Variants in PCDHGA3 observed in about 807,000 individuals in gnomAD.
The protein encoded by PCDHGA3 is protocadherin gamma-A3.
In PCDHGA3, 40 loss-of-function variants were observed where a neutral mutation model predicts 58.5. The ratio of observed to expected loss-of-function variants is 0.68; its 90% CI spans 0.53 to 0.89. The LOEUF (loss-of-function observed/expected upper bound fraction) is 0.89, where lower values mean the gene tolerates loss of function less well. Among genes scored for constraint, PCDHGA3 ranks in the 40% least tolerant of loss-of-function variants. The pLI is 0.00. For synonymous variants in PCDHGA3, 530 were observed against 525.7 expected, an observed-to-expected ratio of 1.01 and a Z score of -0.11; for missense variants, 1,223 against 1,195.9, an observed-to-expected ratio of 1.02 and a Z score of -0.33.
intron 1 of PCDHGA3, chr5:141,413,675 G>C (rs773300658): frequency 6.2e-7 from 1 of 1,613,826 alleles, no homozygotes; most frequent in Non-Finnish European, 8.5e-7. Context: ...CCGGATGTGG[G>C]CGTGAACTCC....
intron 2 of PCDHGA3, among the ~76,000 whole-genome samples, chr5:141,500,020 T>A (rs905529317): frequency 6.6e-6 from 1 of 151,918 alleles, no homozygotes; most frequent in Non-Finnish European, 1.5e-5. Flanking sequence ...ACATTTTATA[T>A]TTGAGTGAGT....
At position 141,431,337 on chromosome 5, in the gene PCDHGA3, A is replaced by C. The variant is rs1412811147; in HGVS notation, c.2425-63470A>C. On this transcript the variant is annotated intron_variant, in intron 1 of 3. Coordinates refer to ENST00000253812, the MANE Select transcript of PCDHGA3 (RefSeq NM_018916.4). The surrounding 1 kb of genome is among the most constrained non-coding windows in gnomAD (Gnocchi z 4.8). ...GGAGCCGACGGTAGTAAGTACCCCG[A>C]ATTGGTGCTGAAACGCGCCCTGGAC... 6.2e-7 allele frequency: 1 copy of C among 1,613,926 alleles called. No homozygotes were observed. The highest frequency in any genetic ancestry group is 1.7e-5 in the Admixed American group (1 of 60,006).
At chr5:141,421,941 T>C (rs186605459) in intron 1 of PCDHGA3, 2 of 1,613,456 alleles carry the variant, frequency 1.2e-6, no homozygotes, top group East Asian at 4.5e-5. Context: ...ATGTAAATGA[T>C]CACATCCCAA....
chr5:141,371,135 C>T (rs779737022), intron 1 of PCDHGA3: 9 of 1,614,012 alleles, frequency 5.6e-6, no homozygotes, highest in Non-Finnish European at 7.6e-6. Flanking sequence ...AGGACATGTA[C>T]AGGGTCAATG....
chr5:141,393,981 T>G, intron 1 of PCDHGA3: 3 of 1,613,792 alleles, frequency 1.9e-6, no homozygotes, highest in Non-Finnish European at 2.5e-6. Flanking sequence ...ACGTGATAAT[T>G]TACCTTTTAA....
Position 141,388,565 on chromosome 5 carries a change from G to C in PCDHGA3, c.2424+42108G>C, listed in dbSNP as rs149167054. ...CTCCACCCCTAAGCAGCACTGCACAGATACACGTTCTAGTGACTGATGCCA... is the reference window on the plus strand; with the variant it reads ...CTCCACCCCTAAGCAGCACTGCACACATACACGTTCTAGTGACTGATGCCA... On this transcript the variant is annotated intron_variant, in intron 1 of 3. Transcript: ENST00000253812. The C allele has an allele frequency of 1.1e-3, 1,717 of 1,613,854 alleles. 24 individuals carry two copies. The highest frequency in any genetic ancestry group is 4.6e-4 in the Non-Finnish European group (537 of 1,179,878).
chr5:141,425,177 GGAATTCCAAACTGA>G (rs2096860295), intron 1 of PCDHGA3, among the ~76,000 whole-genome samples: 1 of 152,036 alleles, frequency 6.6e-6, no homozygotes, highest in South Asian at 2.1e-4. Flanking sequence ...TTATACTTGT[GGAATTCCAAACTGA>G]GAAAAATGAT....
At chr5:141,389,014 A>G (rs768171301) in intron 1 of PCDHGA3, 54 of 1,614,000 alleles carry the variant, frequency 3.3e-5, no homozygotes, top group Non-Finnish European at 4.5e-5. Flanking sequence ...TCCAGACACA[A>G]TGGAGAAGTG....
At chr5:141,414,704 C>A (rs778708386) in intron 1 of PCDHGA3, 8 of 1,614,036 alleles carry the variant, frequency 5.0e-6, no homozygotes, top group Non-Finnish European at 5.9e-6. Flanking sequence ...TCATACATAT[C>A]CATCAACTCA....
intron 1 of PCDHGA3, chr5:141,414,409 A>G: frequency 1.2e-6 from 2 of 1,613,870 alleles, no homozygotes; most frequent in Non-Finnish European, 8.5e-7. Flanking sequence ...GGTGATACAC[A>G]GAGCCCTTGA....
intron 1 of PCDHGA3, chr5:141,351,797 C>G (rs773768523): frequency 6.2e-7 from 1 of 1,613,362 alleles, no homozygotes; most frequent in Non-Finnish European, 8.5e-7. Context: ...GGTGTTCGCG[C>G]AGCGCGCCTT....
At chr5:141,410,858 T>A in intron 1 of PCDHGA3, 1 of 436,188 alleles carries the variant, frequency 2.3e-6, no homozygotes, top group Non-Finnish European at 3.8e-6. Context: ...TCTTTTTTTT[T>A]TTTTTTTTTT....
In PCDHGA3 at chr5:141,357,521, G is replaced by A. The variant is rs747583956; in HGVS notation, c.2424+11064G>A. 4.3e-6 allele frequency: 7 copies of A among 1,614,228 alleles called. No homozygotes were observed. Among genetic ancestry groups the A allele is most frequent in the Non-Finnish European group, 5.9e-6 (7 of 1,180,044 alleles). ...AGTCACCTGATCTTCTCCCAACCCA[G>A]CTATGCAGACACGCTCATCAGCCGG... On this transcript the variant is annotated intron_variant, in intron 1 of 3. Transcript: ENST00000253812.
intron 1 of PCDHGA3, among the ~76,000 whole-genome samples, chr5:141,467,903 C>G (rs1256664266): frequency 6.6e-6 from 1 of 152,156 alleles, no homozygotes. Context: ...AAGAAATCCG[C>G]CCACCTCAGC....
chr5:141,494,977 T>C, intron 2 of PCDHGA3, 112 bp downstream of exon 2: 1 of 1,574,332 alleles, frequency 6.4e-7, no homozygotes, highest in East Asian at 2.3e-5. Context: ...TCTCCCTCAG[T>C]TTGAGATCCC....
In PCDHGA3 at chr5:141,510,915, A is replaced by G; in HGVS notation, c.2573-32A>G. 8 of 1,613,786 alleles carry G rather than the reference A, an allele frequency of 5.0e-6. No individual in the cohort carries two copies. The South Asian group carries it at 8.8e-5, about 18-fold the overall frequency. ...AGTGACTGTTGAGGACCCTAAGTTT[A>G]GCTCCCACCTGATCTTCCTCTGTCT... On this transcript the variant is annotated intron_variant, in intron 3 of 3. Coordinates refer to ENST00000253812, the MANE Select transcript of PCDHGA3 (RefSeq NM_018916.4).
chr5:141,366,696 A>T (rs1337477969), intron 1 of PCDHGA3: 1 of 1,614,244 alleles, frequency 6.2e-7, no homozygotes. Flanking sequence ...GAGAAAAGCG[A>T]GCCTCTTCTG....
intron 1 of PCDHGA3, chr5:141,479,355 A>G (rs2099493778): frequency 6.6e-6 from 1 of 152,506 alleles, no homozygotes; most frequent in Non-Finnish European, 1.5e-5. Flanking sequence ...CTTGCTGCTC[A>G]GTGCCTGAGG....
At chr5:141,357,048 A>G (rs754579406) in intron 1 of PCDHGA3, 6 of 1,613,890 alleles carry the variant, frequency 3.7e-6, no homozygotes, top group East Asian at 2.2e-5. Flanking sequence ...AGCCGGGACT[A>G]TTTGCAGTGG....
Sources: gnomAD v4.1 joint callset for allele counts (sites outside exome capture counted in the v4.1 genomes callset) on GRCh38, gnomAD v4.1.1 for gene constraint, Gnocchi (gnomAD v3.1) non-coding constraint, MANE v1.5 for transcripts, NCBI Gene and HGNC (gene_info 2026-07-23, HGNC 2026-07-21) for gene names.